Variants in ANKS1B observed in about 807,000 individuals in gnomAD.
The protein encoded by ANKS1B is ankyrin repeat and sterile alpha motif domain containing 1B, also known as ankyrin repeat and sterile alpha motif domain-containing protein 1B.
In ANKS1B, 36 loss-of-function variants were observed where a neutral mutation model predicts 148.3. The ratio of observed to expected loss-of-function variants is 0.24; its 90% CI spans 0.19 to 0.32. ANKS1B has a LOEUF of 0.32. Among genes scored for constraint, ANKS1B ranks in the 10% least tolerant of loss-of-function variants. The pLI, the probability that ANKS1B is intolerant of heterozygous loss-of-function variation, is 1.00. For missense variants in ANKS1B, 1,157 were observed against 1,542.6 expected, an observed-to-expected ratio of 0.75 and a Z score of 4.19; for synonymous variants, 542 against 560.8, an observed-to-expected ratio of 0.97 and a Z score of 0.47.
intron 2 of ANKS1B, among the ~76,000 whole-genome samples, chr12:99,812,823 A>C (rs2068600429): frequency 6.6e-6 from 1 of 151,682 alleles, no homozygotes; most frequent in Non-Finnish European, 1.5e-5. Context: ...CATAATACCA[A>C]GGAGGCATTT....
chr12:98,927,741 A>C (rs1018148837), intron 17 of ANKS1B, among the ~76,000 whole-genome samples: 6 of 151,872 alleles, frequency 4.0e-5, no homozygotes, highest in African/African-American at 1.4e-4. Context: ...TGTTAATTGT[A>C]ATCTCTAAGG....
intron 17 of ANKS1B, among the ~76,000 whole-genome samples, chr12:98,878,440 C>T (rs903855222): frequency 6.6e-6 from 1 of 152,066 alleles, no homozygotes; most frequent in African/African-American, 2.4e-5. Context: ...AAAGTCAATA[C>T]GGGGTTGTTG....
intron 12 of ANKS1B, among the ~76,000 whole-genome samples, chr12:99,293,250 G>C (rs1040793988): frequency 4.0e-5 from 6 of 150,740 alleles, no homozygotes; most frequent in African/African-American, 1.5e-4. Context: ...CTATCACAAG[G>C]ACAGAAAACC....
At chr12:99,361,623 T>C (rs1223380203) in intron 12 of ANKS1B, among the ~76,000 whole-genome samples, 1 of 152,128 alleles carries the variant, frequency 6.6e-6, no homozygotes, top group Non-Finnish European at 1.5e-5. Flanking sequence ...CAATATATCA[T>C]CAATATGATA....
chr12:98,929,041 T>TAC (rs146522154), intron 17 of ANKS1B, among the ~76,000 whole-genome samples: 66 of 144,918 alleles, frequency 4.6e-4, no homozygotes, highest in African/African-American at 7.5e-4. Flanking sequence ...AAAACCCTAA[T>TAC]ACACACACAC....
chr12:99,973,172 C>T (rs1014786085), intron 1 of ANKS1B, among the ~76,000 whole-genome samples: 1 of 152,220 alleles, frequency 6.6e-6, no homozygotes, highest in African/African-American at 2.4e-5. Flanking sequence ...AACACAACAT[C>T]CATTCTGTAG....
At chr12:99,878,712 C>T (rs1052651592) in intron 1 of ANKS1B, among the ~76,000 whole-genome samples, 1 of 152,058 alleles carries the variant, frequency 6.6e-6, no homozygotes, top group African/African-American at 2.4e-5. Flanking sequence ...AGGTTTGTTA[C>T]ATTGGTATTA....
At chr12:98,925,847 C>T (rs962354906) in intron 17 of ANKS1B, among the ~76,000 whole-genome samples, 7 of 152,150 alleles carry the variant, frequency 4.6e-5, no homozygotes, top group Admixed American at 1.3e-4. Flanking sequence ...TTTGCCTTGA[C>T]TTAAAGCTCA....
At chr12:98,735,184 G>A (rs1352215153) in exon 10 of ANKS1B, 1 of 398,788 alleles carries the variant, frequency 2.5e-6, no homozygotes, top group African/African-American at 2.1e-5. Context: ...CGGTCAAGAG[G>A]AGGATTTTGT....
chr12:99,185,504 T>C (rs964669315), intron 14 of ANKS1B, among the ~76,000 whole-genome samples: 6 of 152,218 alleles, frequency 3.9e-5, no homozygotes, highest in Non-Finnish European at 5.9e-5. Context: ...GTAAGATCAA[T>C]GCAGAAGGTG....
chr12:99,760,788 G>A (rs1310891884), intron 8 of ANKS1B, among the ~76,000 whole-genome samples: 2 of 150,934 alleles, frequency 1.3e-5, no homozygotes, highest in Non-Finnish European at 3.0e-5. Context: ...AAGATCAATA[G>A]GCTGGCAGCT....
chr12:99,722,210 C>T (rs1222545033), intron 8 of ANKS1B, among the ~76,000 whole-genome samples: 1 of 152,212 alleles, frequency 6.6e-6, no homozygotes, highest in African/African-American at 2.4e-5. Flanking sequence ...AAGGTGACTA[C>T]ACTAAACAAC....
chr12:99,376,134 T>C (rs1290458741), intron 12 of ANKS1B, among the ~76,000 whole-genome samples: 1 of 152,228 alleles, frequency 6.6e-6, no homozygotes, highest in East Asian at 1.9e-4. Context: ...TAATGGAAAG[T>C]TCTTTCTTTT....
At position 99,830,639 on chromosome 12, in the gene ANKS1B, CAAA is replaced by C. The variant is rs71436967; in HGVS notation, c.135-5253_135-5251del. On this transcript the variant is annotated intron_variant, in intron 1 of 26. Transcript: ENST00000683438. ...GAATAAAGCTGACATCTGAAAGAAG[CAAA>C]AAAAAAAAAAAAGGAAAACATCATT... Among the ~76,000 whole-genome samples, 280 of 126,654 alleles carry C rather than the reference CAAA, an allele frequency of 2.2e-3. 1 individual carries two copies. Among genetic ancestry groups the C allele is most frequent in the African/African-American group, 3.6e-3 (130 of 36,530 alleles). 83.1% of individuals were successfully genotyped at this position (126,654 alleles called of 152,430 possible). A position where few individuals can be genotyped will look rare whatever the true frequency, so the allele number is the denominator to read the frequency against.
intron 12 of ANKS1B, among the ~76,000 whole-genome samples, chr12:99,333,742 C>T (rs1043451583): frequency 2.0e-5 from 3 of 151,888 alleles, no homozygotes; most frequent in African/African-American, 7.3e-5. Flanking sequence ...AGAAAATAGC[C>T]TTCCCTTTTC....
At chr12:98,967,676 G>A (rs1441728447) in intron 17 of ANKS1B, among the ~76,000 whole-genome samples, 2 of 130,138 alleles carry the variant, frequency 1.5e-5, no homozygotes, top group African/African-American at 3.0e-5. Flanking sequence ...GGAGGGGAGG[G>A]GAGGGAACAA....
At chr12:99,793,042 T>C (rs1233156263) in intron 4 of ANKS1B, among the ~76,000 whole-genome samples, 2 of 152,000 alleles carry the variant, frequency 1.3e-5, no homozygotes, top group East Asian at 3.8e-4. Context: ...AGCATTTCTA[T>C]ATGCCAACAG....
intron 16 of ANKS1B, among the ~76,000 whole-genome samples, chr12:99,068,616 T>C (rs1292849368): frequency 2.0e-5 from 3 of 151,558 alleles, no homozygotes; most frequent in Non-Finnish European, 4.4e-5. Context: ...TCTCTTGGGG[T>C]TAATATATGG....
At chr12:99,629,135 A>G (rs1170736676) in intron 9 of ANKS1B, among the ~76,000 whole-genome samples, 4 of 152,136 alleles carry the variant, frequency 2.6e-5, no homozygotes, top group African/African-American at 4.8e-5. Flanking sequence ...GAGGCCATAT[A>G]GCACTCAAAA....
Sources: allele counts gnomAD v4.1 joint callset (sites outside exome capture counted in the v4.1 genomes callset), GRCh38; gene constraint gnomAD v4.1.1; transcripts MANE v1.5; gene names NCBI Gene and HGNC (gene_info 2026-07-23, HGNC 2026-07-21).